The following GPC3 variants were observed in gnomAD, a reference collection of about 807,000 sequenced individuals.
GPC3 encodes glypican 3.
GPC3 carries 3 observed loss-of-function variants against 34.4 expected under a neutral mutation model. That is an observed-to-expected ratio of 0.09 (90% confidence interval 0.04 to 0.23). GPC3 has a LOEUF of 0.23. GPC3 is among the 10% of genes least tolerant of loss of function. The pLI is 1.00. For synonymous variants in GPC3, 177 were observed against 174.0 expected (o/e 1.02, Z -0.13); for missense variants, 351 against 445.6 (o/e 0.79, Z 1.91).
chrX:133,736,897 A>G (rs2071515691), intron 3 of GPC3, among the ~76,000 whole-genome samples: 1 of 112,257 alleles, frequency 8.9e-6, no homozygotes, highest in Non-Finnish European at 1.9e-5. Context: ...TATATGAATT[A>G]CATCTCAATA....
At chrX:133,796,083 C>A (rs1312474862) in intron 2 of GPC3, among the ~76,000 whole-genome samples, 2 of 108,309 alleles carry the variant, frequency 1.8e-5, no homozygotes. Flanking sequence ...GTAGCTGGGA[C>A]TACAGGCCCC....
intron 2 of GPC3, among the ~76,000 whole-genome samples, chrX:133,910,426 C>T (rs1603270729): frequency 9.0e-6 from 1 of 111,061 alleles, no homozygotes; most frequent in African/African-American, 3.3e-5. Flanking sequence ...AAAAAAAAGG[C>T]AGACTTGAGT....
intron 2 of GPC3, among the ~76,000 whole-genome samples, chrX:133,805,657 T>C (rs979783885): frequency 1.2e-4 from 14 of 112,136 alleles, no homozygotes; most frequent in African/African-American, 4.5e-4. Flanking sequence ...TTCCTTAACC[T>C]TTCTAAGATT....
intron 4 of GPC3, among the ~76,000 whole-genome samples, chrX:133,698,992 G>C (rs956607977): frequency 1.8e-4 from 20 of 112,039 alleles, no homozygotes; most frequent in Non-Finnish European, 1.9e-5. Flanking sequence ...ACATCATTGG[G>C]CAGTCTCGAT....
chrX:133,562,691 A>G (rs1341070905), intron 7 of GPC3, among the ~76,000 whole-genome samples: 3 of 111,755 alleles, frequency 2.7e-5, no homozygotes, highest in African/African-American at 9.7e-5. Context: ...TCTGCGATGT[A>G]GTTAATATAG....
intron 5 of GPC3, among the ~76,000 whole-genome samples, chrX:133,677,528 G>C (rs960199772): frequency 8.9e-6 from 1 of 112,408 alleles, no homozygotes; most frequent in Non-Finnish European, 1.9e-5. Context: ...CATGCAACAA[G>C]TTCACAGTAG....
intron 6 of GPC3, among the ~76,000 whole-genome samples, chrX:133,657,213 A>G (rs1361767553): frequency 8.9e-6 from 1 of 112,251 alleles, no homozygotes; most frequent in Non-Finnish European, 1.9e-5. Flanking sequence ...CTTGGGAACA[A>G]TAAGTCCTGT....
intron 6 of GPC3, among the ~76,000 whole-genome samples, chrX:133,621,423 G>A (rs1274247296): frequency 8.9e-6 from 1 of 111,893 alleles, no homozygotes; most frequent in South Asian, 3.8e-4. Context: ...TGTGACAGAC[G>A]GTATCTGGAA....
At chrX:133,908,788 T>G (rs953512350) in intron 2 of GPC3, among the ~76,000 whole-genome samples, 2 of 111,698 alleles carry the variant, frequency 1.8e-5, no homozygotes, top group Non-Finnish European at 3.8e-5. Context: ...TGTGATCAAC[T>G]AAATCCCCAA....
chrX:133,854,794 T>A (rs924580187), intron 2 of GPC3, among the ~76,000 whole-genome samples: 1 of 112,249 alleles, frequency 8.9e-6, no homozygotes, highest in Non-Finnish European at 1.9e-5. Flanking sequence ...GTGACACAGG[T>A]CCTCTTATAC....
At chrX:133,629,356 G>A (rs776459316) in intron 6 of GPC3, among the ~76,000 whole-genome samples, 38 of 111,218 alleles carry the variant, frequency 3.4e-4, no homozygotes, top group Non-Finnish European at 6.4e-4. Flanking sequence ...TGAGCTCTAA[G>A]TCTTTCCCAG....
At chrX:133,886,118 A>G (rs930398159) in intron 2 of GPC3, among the ~76,000 whole-genome samples, 27 of 111,652 alleles carry the variant, frequency 2.4e-4, no homozygotes, top group African/African-American at 7.1e-4. Context: ...TTGAAGTATT[A>G]CTTCATTCAA....
intron 7 of GPC3, among the ~76,000 whole-genome samples, chrX:133,594,880 TA>T (rs1472004001): frequency 3.7e-5 from 4 of 109,143 alleles, no homozygotes; most frequent in African/African-American, 1.3e-4. Context: ...TTTACCCTAA[TA>T]AAAAATAAAT....
intron 2 of GPC3, among the ~76,000 whole-genome samples, chrX:133,803,738 T>C (rs1006776431): frequency 8.9e-6 from 1 of 111,732 alleles, no homozygotes; most frequent in Non-Finnish European, 1.9e-5. Context: ...TCATTTAGGC[T>C]ATTTCTACCA....
intron 7 of GPC3, among the ~76,000 whole-genome samples, chrX:133,571,425 C>T (rs377251013): frequency 1.9e-4 from 21 of 110,434 alleles, no homozygotes; most frequent in Non-Finnish European, 2.1e-4. Flanking sequence ...TGCAGTGGCG[C>T]GATCTCGGCT....
intron 2 of GPC3, among the ~76,000 whole-genome samples, chrX:133,947,531 A>G (rs1046939821): frequency 8.9e-6 from 1 of 112,353 alleles, no homozygotes; most frequent in Non-Finnish European, 1.9e-5. Flanking sequence ...CTAAAGCCAC[A>G]GAATTTTGAG....
intron 6 of GPC3, among the ~76,000 whole-genome samples, chrX:133,619,236 G>T (rs1228790358): frequency 8.9e-6 from 1 of 112,390 alleles, no homozygotes; most frequent in Admixed American, 9.4e-5. Context: ...ATGCTGGTGG[G>T]AATGTAAAAT....
intron 2 of GPC3, among the ~76,000 whole-genome samples, chrX:133,881,343 T>A (rs1276456589): frequency 2.7e-5 from 3 of 111,946 alleles, no homozygotes; most frequent in Admixed American, 9.5e-5. Flanking sequence ...CCCTGCGTGC[T>A]CTAATTGACT....
At chrX:133,670,499 C>A (rs2070815209) in intron 5 of GPC3, among the ~76,000 whole-genome samples, 1 of 111,693 alleles carries the variant, frequency 9.0e-6, no homozygotes, top group Non-Finnish European at 1.9e-5. Flanking sequence ...AGGACTAGGT[C>A]CCCACCAAAA....
Sources: gnomAD v4.1 joint callset for allele counts (sites outside exome capture counted in the v4.1 genomes callset) on GRCh38, gnomAD v4.1.1 for gene constraint, MANE v1.5 for transcripts, NCBI Gene and HGNC (gene_info 2026-07-23, HGNC 2026-07-21) for gene names.